SNTG1: variants seen among roughly 807,000 people sequenced by gnomAD.
The protein encoded by SNTG1 is syntrophin gamma 1.
SNTG1 carries 39 observed loss-of-function variants against 74.7 expected under a neutral mutation model. That is an observed-to-expected ratio of 0.52 (90% CI 0.40 to 0.68). The LOEUF (loss-of-function observed/expected upper bound fraction) is 0.68. Among genes scored for constraint, SNTG1 ranks in the 30% least tolerant of loss-of-function variants. The probability of loss-of-function intolerance (pLI) is 0.00; values close to 1 mark genes in which losing one functional copy is unlikely to be tolerated. For missense variants in SNTG1, 685 were observed against 609.5 expected (o/e 1.12, Z -1.30); for synonymous variants, 254 against 217.1 (o/e 1.17, Z -1.49).
intron 4 of SNTG1, among the ~76,000 whole-genome samples, chr8:50,406,445 A>G (rs563431331): frequency 5.5e-4 from 84 of 152,218 alleles, no homozygotes; most frequent in Non-Finnish European, 6.9e-4. Flanking sequence ...CGGAATGTTT[A>G]TGGTTTTCTA....
At position 50,367,008 on chromosome 8, in the gene SNTG1, G is replaced by T. The variant is rs1023721088; in HGVS notation, c.-27-27204G>T. On this transcript the variant is annotated intron_variant, in intron 2 of 18. Transcript: ENST00000642720. The stretch of plus-strand genomic sequence containing the variant: ...ACAGATTTAAGGAATCATCTGTTTT[G>T]TCTGCATCATTGGTAAGACTAACAC... Among the ~76,000 whole-genome samples, 14 of 150,896 alleles carry T rather than the reference G, an allele frequency of 9.3e-5. 1 individual carries two copies. The highest frequency in any genetic ancestry group is 3.4e-4 in the African/African-American group (14 of 41,212).
chr8:50,087,342 G>A (rs1367305831), intron 1 of SNTG1, among the ~76,000 whole-genome samples: 1 of 152,120 alleles, frequency 6.6e-6, no homozygotes, highest in African/African-American at 2.4e-5. Flanking sequence ...CTCGGCTTTG[G>A]TATCTCAAAT....
chr8:50,094,431 T>C (rs970715986), intron 1 of SNTG1, among the ~76,000 whole-genome samples: 8 of 152,078 alleles, frequency 5.3e-5, no homozygotes, highest in African/African-American at 1.7e-4. Flanking sequence ...GCAAGTTATA[T>C]GTCTGACAAA....
At chr8:49,931,285 A>T (rs558607002) in intron 1 of SNTG1, among the ~76,000 whole-genome samples, 1 of 152,232 alleles carries the variant, frequency 6.6e-6, no homozygotes, top group South Asian at 2.1e-4. Context: ...GAATATCCAC[A>T]TATCCTATAA....
At chr8:50,373,142 C>T (rs532410157) in intron 2 of SNTG1, among the ~76,000 whole-genome samples, 1 of 152,270 alleles carries the variant, frequency 6.6e-6, no homozygotes, top group East Asian at 1.9e-4. Context: ...ACAAATCATT[C>T]CAATGTAGCA....
intron 4 of SNTG1, among the ~76,000 whole-genome samples, chr8:50,408,080 A>G (rs2092902457): frequency 6.6e-6 from 1 of 152,206 alleles, no homozygotes; most frequent in Non-Finnish European, 1.5e-5. Flanking sequence ...GCAGCAAGCA[A>G]TTATAAAAAG....
intron 9 of SNTG1, among the ~76,000 whole-genome samples, chr8:50,512,921 A>C (rs1328078576): frequency 1.3e-5 from 2 of 152,072 alleles, no homozygotes; most frequent in Admixed American, 6.5e-5. Context: ...CAACTCATCA[A>C]AGTCATTCTC....
At chr8:50,730,563 G>C (rs1328929114) in intron 17 of SNTG1, among the ~76,000 whole-genome samples, 2 of 152,136 alleles carry the variant, frequency 1.3e-5, no homozygotes, top group Non-Finnish European at 2.9e-5. Flanking sequence ...TTTTGCAGAC[G>C]TGATATAACC....
intron 4 of SNTG1, among the ~76,000 whole-genome samples, chr8:50,437,624 G>A (rs765281044): frequency 9.2e-5 from 14 of 152,134 alleles, no homozygotes; most frequent in Non-Finnish European, 2.1e-4. Context: ...TAGAGATATA[G>A]GGACCAGATA....
chr8:50,587,765 C>G (rs900142892), intron 12 of SNTG1, among the ~76,000 whole-genome samples: 6 of 151,100 alleles, frequency 4.0e-5, no homozygotes, highest in African/African-American at 1.5e-4. Context: ...GCGGAGATTG[C>G]CAGCCTGGGG....
intron 9 of SNTG1, among the ~76,000 whole-genome samples, chr8:50,513,229 C>A (rs571638250): frequency 6.6e-6 from 1 of 152,144 alleles, no homozygotes; most frequent in Non-Finnish European, 1.5e-5. Context: ...TGCAGAACAG[C>A]GGATATTGGT....
At chr8:50,049,104 A>G (rs1467343612) in intron 1 of SNTG1, among the ~76,000 whole-genome samples, 1 of 152,076 alleles carries the variant, frequency 6.6e-6, no homozygotes, top group Admixed American at 6.6e-5. Flanking sequence ...ACAAAAAAAA[A>G]GAAAAATGGA....
intron 12 of SNTG1, among the ~76,000 whole-genome samples, chr8:50,587,942 T>C (rs999857603): frequency 2.6e-5 from 4 of 151,610 alleles, no homozygotes; most frequent in Non-Finnish European, 4.4e-5. Context: ...AAACCCTATC[T>C]CTACTAAAAA....
chr8:50,023,402 G>T (rs750702762), intron 1 of SNTG1, among the ~76,000 whole-genome samples: 11 of 152,122 alleles, frequency 7.2e-5, no homozygotes, highest in South Asian at 2.1e-4. Flanking sequence ...AAGAAGGGCA[G>T]ATTTATAAAT....
At chr8:50,671,493 G>C (rs1352480864) in intron 15 of SNTG1, among the ~76,000 whole-genome samples, 2 of 152,144 alleles carry the variant, frequency 1.3e-5, no homozygotes, top group African/African-American at 4.8e-5. Flanking sequence ...ACCACAGTAA[G>C]ATACCATCTC....
intron 14 of SNTG1, among the ~76,000 whole-genome samples, chr8:50,657,467 G>C (rs1450864088): frequency 6.6e-6 from 1 of 152,044 alleles, no homozygotes; most frequent in Non-Finnish European, 1.5e-5. Flanking sequence ...ATTTTCCAAG[G>C]ATCTTTTGAA....
chr8:49,911,721 T>C lies in SNTG1; in HGVS notation c.-613T>C, dbSNP rs1250607111. The C allele has an allele frequency of 1.3e-5, 2 of 152,206 alleles. No homozygotes were observed. Among genetic ancestry groups the C allele is most frequent in the Non-Finnish European group, 2.9e-5 (2 of 68,084 alleles). The allele number at this position is 152,206 out of a possible 1,614,324, so 9.4% of individuals were successfully genotyped here. ...TCAGCACCAGAGGGGATGGACAGCG[T>C]CTCCGGACTGAGCTGCAGCCACAGG... On this transcript the variant is annotated 5_prime_UTR_variant, in exon 1 of 19. Transcript: ENST00000642720.
intron 1 of SNTG1, among the ~76,000 whole-genome samples, chr8:50,071,539 C>T (rs1449403489): frequency 1.3e-5 from 2 of 151,836 alleles, no homozygotes; most frequent in Non-Finnish European, 2.9e-5. Context: ...AGTGCAATGG[C>T]GCAATCTTGG....
Position 50,157,699 on chromosome 8 carries a change from C to T in SNTG1, c.-102-14862C>T, listed in dbSNP as rs756748306. 4.3e-4 allele frequency among the ~76,000 whole-genome samples: 65 copies of T among 151,938 alleles called. 1 individual carries two copies. The highest frequency in any genetic ancestry group is 1.3e-3 in the African/African-American group (53 of 41,402). On this transcript the variant is annotated intron_variant, in intron 1 of 18. Coordinates refer to ENST00000642720, the MANE Select transcript of SNTG1 (RefSeq NM_018967.5). The stretch of plus-strand genomic sequence containing the variant: ...GACTTTTCATTATAAATCATTAAAA[C>T]GGAGGTAAAATTCAAGAATTCAGCC...
Sources: gnomAD v4.1 joint callset for allele counts (sites outside exome capture counted in the v4.1 genomes callset) on GRCh38, gnomAD v4.1.1 for gene constraint, MANE v1.5 for transcripts, NCBI Gene and HGNC (gene_info 2026-07-23, HGNC 2026-07-21) for gene names.